AFF3: variants seen among roughly 807,000 people sequenced by gnomAD.
AFF3 encodes ALF transcription elongation factor 3.
Under a neutral mutation model 129.7 loss-of-function variants are expected in AFF3, and 32 were observed. The observed-to-expected ratio is 0.25, with a 90% CI of 0.19 to 0.33. AFF3 has a LOEUF of 0.33. Among genes scored for constraint, AFF3 ranks in the 10% least tolerant of loss-of-function variants. The pLI is 1.00. For missense variants in AFF3, 1,373 were observed against 1,592.0 expected, an observed-to-expected ratio of 0.86 and a Z score of 2.34; for synonymous variants, 644 against 635.4, an observed-to-expected ratio of 1.01 and a Z score of -0.20.
chr2:99,711,505 C>T (rs758145648), intron 11 of AFF3, among the ~76,000 whole-genome samples: 3 of 152,068 alleles, frequency 2.0e-5, no homozygotes, highest in African/African-American at 7.2e-5. Context: ...TAGAGGCATG[C>T]GGGTGCAAAG....
At chr2:99,942,547 C>CGGGGGGGGGAGGGG (rs1675153075) in intron 7 of AFF3, among the ~76,000 whole-genome samples, 1 of 59,302 alleles carries the variant, frequency 1.7e-5, no homozygotes, top group African/African-American at 4.6e-5. Context: ...GGGGGAGGGG[C>CGGGGGGGGGAGGGG]GGGGGGGGGG....
intron 7 of AFF3, among the ~76,000 whole-genome samples, chr2:99,974,139 C>T (rs567652149): frequency 1.7e-4 from 26 of 152,166 alleles, no homozygotes; most frequent in African/African-American, 4.6e-4. Context: ...AAAATGTAGA[C>T]GTCTTTTCTA....
At chr2:99,889,885 C>T (rs1236341986) in intron 7 of AFF3, among the ~76,000 whole-genome samples, 1 of 152,128 alleles carries the variant, frequency 6.6e-6, no homozygotes, top group East Asian at 1.9e-4. Flanking sequence ...GTCTCGAACT[C>T]CCGACCTCAG....
intron 8 of AFF3, among the ~76,000 whole-genome samples, chr2:99,831,945 T>C (rs774601575): frequency 6.6e-6 from 1 of 152,212 alleles, no homozygotes; most frequent in Non-Finnish European, 1.5e-5. Flanking sequence ...GCATTCCTCC[T>C]GTAACTCACT....
intron 4 of AFF3, among the ~76,000 whole-genome samples, chr2:100,061,313 G>A (rs936170330): frequency 3.3e-5 from 5 of 152,012 alleles, no homozygotes; most frequent in Non-Finnish European, 5.9e-5. Context: ...TGGTTAATCC[G>A]TATGGCATTA....
chr2:99,649,868 C>T (rs1685072732), intron 12 of AFF3, among the ~76,000 whole-genome samples: 1 of 152,180 alleles, frequency 6.6e-6, no homozygotes, highest in African/African-American at 2.4e-5. Flanking sequence ...GGACAGTTAA[C>T]TGAAGCCCGG....
chr2:99,843,399 C>T (rs907363864), intron 7 of AFF3, among the ~76,000 whole-genome samples: 29 of 152,160 alleles, frequency 1.9e-4, no homozygotes, highest in African/African-American at 7.0e-4. Context: ...CCTCCTGTCT[C>T]CACCATCATC....
intron 8 of AFF3, among the ~76,000 whole-genome samples, chr2:99,781,845 A>T (rs947547837): frequency 6.6e-6 from 1 of 152,234 alleles, no homozygotes; most frequent in Non-Finnish European, 1.5e-5. Context: ...TTAACCAAGT[A>T]TAGCAAAATA....
intron 10 of AFF3, among the ~76,000 whole-genome samples, chr2:99,740,120 T>C (rs1482271664): frequency 6.6e-6 from 1 of 151,812 alleles, no homozygotes; most frequent in African/African-American, 2.4e-5. Flanking sequence ...ATTTCATCTA[T>C]GTCCCTACAA....
chr2:99,735,008 A>G (rs543454184), intron 10 of AFF3, among the ~76,000 whole-genome samples: 17 of 152,288 alleles, frequency 1.1e-4, no homozygotes, highest in African/African-American at 3.6e-4. Context: ...TGTGTGGTGG[A>G]ATGATTTTTA....
At chr2:99,831,544 AG>A (rs1317907222) in intron 8 of AFF3, among the ~76,000 whole-genome samples, 1 of 152,246 alleles carries the variant, frequency 6.6e-6, no homozygotes, top group Non-Finnish European at 1.5e-5. Context: ...AGGTACTGAT[AG>A]ATACTATGAT....
intron 2 of AFF3, among the ~76,000 whole-genome samples, chr2:100,111,015 G>A (rs886460552): frequency 2.6e-5 from 4 of 152,184 alleles, no homozygotes; most frequent in African/African-American, 9.7e-5. Flanking sequence ...CAGAAAGGTG[G>A]AGAAGCCATC....
chr2:99,659,790 T>C (rs1686066278), intron 12 of AFF3, among the ~76,000 whole-genome samples: 1 of 152,038 alleles, frequency 6.6e-6, no homozygotes, highest in African/African-American at 2.4e-5. Flanking sequence ...CTAGACTATT[T>C]AGGTTCTGCT....
At chr2:100,043,576 T>C (rs1685604817) in intron 4 of AFF3, among the ~76,000 whole-genome samples, 1 of 151,900 alleles carries the variant, frequency 6.6e-6, no homozygotes, top group Non-Finnish European at 1.5e-5. Context: ...TGAACATAGA[T>C]GAAGGAAAAA....
chr2:99,733,029 C>T (rs2105047037), intron 10 of AFF3, among the ~76,000 whole-genome samples: 1 of 152,042 alleles, frequency 6.6e-6, no homozygotes, highest in Non-Finnish European at 1.5e-5. Flanking sequence ...ATTTTATTGT[C>T]TCAATAAGAG....
At chr2:99,955,044 T>C (rs967312848) in intron 7 of AFF3, among the ~76,000 whole-genome samples, 1 of 151,808 alleles carries the variant, frequency 6.6e-6, no homozygotes, top group African/African-American at 2.4e-5. Flanking sequence ...ATAGATTTCA[T>C]ATATTTTTGC....
chr2:100,051,022 T>C (rs1165757420), intron 4 of AFF3, among the ~76,000 whole-genome samples: 1 of 152,246 alleles, frequency 6.6e-6, no homozygotes, highest in Non-Finnish European at 1.5e-5. Flanking sequence ...TCCTTGTGAC[T>C]GACACAAAGC....
intron 4 of AFF3, among the ~76,000 whole-genome samples, chr2:100,077,927 T>C (rs566836309): frequency 2.0e-5 from 3 of 152,210 alleles, no homozygotes; most frequent in Non-Finnish European, 2.9e-5. Context: ...CACCAGTTAA[T>C]GGGTGAATTT....
At chr2:99,970,937 T>G (rs1678307629) in intron 7 of AFF3, among the ~76,000 whole-genome samples, 2 of 152,208 alleles carry the variant, frequency 1.3e-5, no homozygotes, top group Admixed American at 1.3e-4. Flanking sequence ...TCCCTAAGTT[T>G]CCTAAGTGTC....
Sources: allele counts gnomAD v4.1 joint callset (sites outside exome capture counted in the v4.1 genomes callset), GRCh38; gene constraint gnomAD v4.1.1; transcripts MANE v1.5; gene names NCBI Gene and HGNC (gene_info 2026-07-23, HGNC 2026-07-21).